ASTN2: variants seen among roughly 807,000 people sequenced by gnomAD.
ASTN2 encodes astrotactin 2, also known as astrotactin-2.
In ASTN2, 54 loss-of-function variants were observed where a neutral mutation model predicts 139.8. The ratio of observed to expected loss-of-function variants is 0.39; its 90% CI spans 0.31 to 0.48. The LOEUF is 0.48. ASTN2 is among the 20% of genes least tolerant of loss of function. ASTN2 has a pLI of 0.95. For missense variants in ASTN2, 1,565 were observed against 1,725.1 expected, an observed-to-expected ratio of 0.91 and a Z score of 1.64; for synonymous variants, 756 against 719.5, an observed-to-expected ratio of 1.05 and a Z score of -0.81.
chr9:117,169,373 T>C (rs1830739891), intron 3 of ASTN2, among the ~76,000 whole-genome samples: 1 of 152,046 alleles, frequency 6.6e-6, no homozygotes, highest in African/African-American at 2.4e-5. Flanking sequence ...TGTGTGTGAA[T>C]CCGAAAAGAA....
At chr9:117,247,927 C>T (rs1833429694) in intron 2 of ASTN2, among the ~76,000 whole-genome samples, 1 of 152,124 alleles carries the variant, frequency 6.6e-6, no homozygotes, top group Admixed American at 6.5e-5. Context: ...CTCATGAAGC[C>T]CTTTAACACG....
At chr9:116,850,277 T>C (rs904591524) in intron 11 of ASTN2, among the ~76,000 whole-genome samples, 2 of 152,202 alleles carry the variant, frequency 1.3e-5, no homozygotes, top group African/African-American at 4.8e-5. Flanking sequence ...GTACTAAATA[T>C]TGAGTGATGG....
At position 116,651,581 on chromosome 9, in the gene ASTN2, T is replaced by C; in HGVS notation, c.3019A>G (p.Ile1007Val). 6.2e-7 allele frequency: 1 copy of C among 1,614,148 alleles called. No individual in the cohort carries two copies. Among genetic ancestry groups the C allele is most frequent in the Non-Finnish European group, 8.5e-7 (1 of 1,180,028 alleles). ...QLSPTPVLLEINRVVPLYTLI... is the reference protein window; with the variant it reads ...QLSPTPVLLEVNRVVPLYTLI... ...GTATAAAGTGGCACCACACGGTTGATTTCCAGCAGCACTGGTGTGGGGCTC... is the reference window on the plus strand; with the variant it reads ...GTATAAAGTGGCACCACACGGTTGACTTCCAGCAGCACTGGTGTGGGGCTC... Residue 1007 changes from isoleucine (I) to valine (V), a missense_variant, in exon 17 of 23, where the codon ATC (isoleucine) becomes GTC (valine). By Grantham distance (29) the Ile-to-Val change is conservative. This residue lies in a region of ASTN2 where 418 missense variants were observed against 465.8 expected (regional missense o/e 0.90). Coordinates refer to ENST00000313400, the MANE Select transcript of ASTN2 (RefSeq NM_001365068.1).
chr9:117,136,186 G>A (rs1829947391), intron 4 of ASTN2, among the ~76,000 whole-genome samples: 1 of 152,184 alleles, frequency 6.6e-6, no homozygotes, highest in Non-Finnish European at 1.5e-5. Context: ...GTCTGGCTCT[G>A]TGCTAAATGC....
chr9:116,687,240 C>A, intron 16 of ASTN2: 4 of 997,762 alleles, frequency 4.0e-6, no homozygotes, highest in Non-Finnish European at 4.8e-6. Context: ...CAAGCCCCAG[C>A]ATGCTGGGGA....
intron 6 of ASTN2, among the ~76,000 whole-genome samples, chr9:117,033,967 T>C (rs1838316795): frequency 6.6e-6 from 1 of 152,198 alleles, no homozygotes; most frequent in African/African-American, 2.4e-5. Flanking sequence ...TCAACGCTTG[T>C]TATTGAATGA....
At chr9:116,812,444 G>T (rs1365737416) in intron 12 of ASTN2, among the ~76,000 whole-genome samples, 1 of 152,196 alleles carries the variant, frequency 6.6e-6, no homozygotes, top group Non-Finnish European at 1.5e-5. Context: ...AACGGACCAT[G>T]AGTCAATGAA....
intron 2 of ASTN2, among the ~76,000 whole-genome samples, chr9:117,258,376 T>C (rs1833742040): frequency 6.6e-6 from 1 of 152,170 alleles, no homozygotes; most frequent in Non-Finnish European, 1.5e-5. Flanking sequence ...CAGCTCAGCC[T>C]CTCAACGCAC....
intron 19 of ASTN2, among the ~76,000 whole-genome samples, chr9:116,590,958 G>A (rs924457701): frequency 2.0e-5 from 3 of 152,204 alleles, no homozygotes; most frequent in Non-Finnish European, 4.4e-5. Context: ...CCTGAGGGCT[G>A]TTCTGTCACT....
chr9:117,185,067 G>A (rs1423364353), intron 3 of ASTN2, among the ~76,000 whole-genome samples: 1 of 152,060 alleles, frequency 6.6e-6, no homozygotes, highest in African/African-American at 2.4e-5. Context: ...ACCCACATCT[G>A]CCCATTCCAC....
intron 1 of ASTN2, among the ~76,000 whole-genome samples, chr9:117,371,941 A>C (rs1389669548): frequency 6.6e-6 from 1 of 152,132 alleles, no homozygotes; most frequent in Non-Finnish European, 1.5e-5. Context: ...TCTGCCTTGC[A>C]TACCTGTCTC....
chr9:116,776,886 T>TA (rs1266287860), intron 13 of ASTN2, among the ~76,000 whole-genome samples: 2 of 152,170 alleles, frequency 1.3e-5, no homozygotes, highest in Non-Finnish European at 2.9e-5. Flanking sequence ...TAGTGAGCGA[T>TA]AAGGGACACC....
chr9:116,588,456 G>T (rs1854248381), intron 19 of ASTN2, among the ~76,000 whole-genome samples: 1 of 152,166 alleles, frequency 6.6e-6, no homozygotes, highest in Admixed American at 6.5e-5. Flanking sequence ...GGATGATCAT[G>T]CCAGGGCTTC....
chr9:117,280,918 T>C (rs1834309327), intron 2 of ASTN2, among the ~76,000 whole-genome samples: 1 of 152,198 alleles, frequency 6.6e-6, no homozygotes, highest in Non-Finnish European at 1.5e-5. Context: ...TTGTCAGTAG[T>C]AATTATTACA....
Position 117,128,371 on chromosome 9 carries a change from CAAAAAAAAAAAAA to C in ASTN2, c.1168+12942_1168+12954del, listed in dbSNP as rs1167187783. Among the ~76,000 whole-genome samples, 23 of 66,444 alleles carry C rather than the reference CAAAAAAAAAAAAA, an allele frequency of 3.5e-4. No individual in the cohort carries two copies. The East Asian group carries it at 9.8e-3, about 28-fold the overall frequency. The allele number at this position is 66,444 out of a possible 152,430, so 43.6% of individuals were successfully genotyped here. A position where few individuals can be genotyped will look rare whatever the true frequency, so the allele number is the denominator to read the frequency against. ...CTGGTGACAGAGTGAGACACTGTCT[CAAAAAAAAAAAAA>C]AAAAAAAAAAAAAAAAGAAATCAAG... On this transcript the variant is annotated intron_variant, in intron 4 of 22. Coordinates refer to ENST00000313400, the MANE Select transcript of ASTN2 (RefSeq NM_001365068.1).
intron 19 of ASTN2, among the ~76,000 whole-genome samples, chr9:116,500,021 T>C (rs1208632433): frequency 6.6e-6 from 1 of 152,142 alleles, no homozygotes; most frequent in Non-Finnish European, 1.5e-5. Context: ...ACTTTATCTA[T>C]CTGCCAGACA....
chr9:116,640,762 T>A (rs1857287530), intron 17 of ASTN2, among the ~76,000 whole-genome samples: 1 of 152,178 alleles, frequency 6.6e-6, no homozygotes, highest in Admixed American at 6.5e-5. Flanking sequence ...ATCACGAAAG[T>A]GATGTGAGCA....
intron 14 of ASTN2, among the ~76,000 whole-genome samples, chr9:116,732,094 C>T (rs748521522): frequency 7.9e-5 from 12 of 152,192 alleles, no homozygotes; most frequent in Non-Finnish European, 1.6e-4. Flanking sequence ...ATTTGATCTA[C>T]ATCTGGGTCC....
intron 12 of ASTN2, 22 bp downstream of exon 12, chr9:116,820,595 G>A (rs200496402): frequency 1.9e-6 from 3 of 1,608,568 alleles, no homozygotes; most frequent in Non-Finnish European, 2.5e-6. Flanking sequence ...GGGGCACCTG[G>A]GCCTTGGGGA....
Sources: allele counts gnomAD v4.1 joint callset (sites outside exome capture counted in the v4.1 genomes callset), GRCh38; gene constraint gnomAD v4.1.1; regional missense constraint gnomAD v4.1.1; transcripts MANE v1.5; gene names NCBI Gene and HGNC (gene_info 2026-07-23, HGNC 2026-07-21).